IL12A: variants seen among roughly 807,000 people sequenced by gnomAD.
IL12A encodes the protein interleukin-12 subunit alpha.
In IL12A, 16 loss-of-function variants were observed where a neutral mutation model predicts 23.5. That is an observed-to-expected ratio of 0.68 (90% CI 0.46 to 1.03). The LOEUF (loss-of-function observed/expected upper bound fraction) is 1.03, where lower values mean the gene tolerates loss of function less well. Ranked by LOEUF, IL12A falls within the 50% of genes least tolerant of loss-of-function variation. IL12A has a pLI of 0.00. For missense variants in IL12A, 275 were observed against 307.0 expected (o/e 0.90, Z 0.78); for synonymous variants, 106 against 111.5 (o/e 0.95, Z 0.31).
At chr3:159,992,695 C>T (rs1044350471) in intron 2 of IL12A, among the ~76,000 whole-genome samples, 1 of 152,182 alleles carries the variant, frequency 6.6e-6, no homozygotes, top group South Asian at 2.1e-4. Context: ...AAACAATTTT[C>T]ACCAGAAGCA....
chr3:159,994,900 T>C (rs1171618029), intron 6 of IL12A, among the ~76,000 whole-genome samples: 2 of 152,138 alleles, frequency 1.3e-5, no homozygotes, highest in Non-Finnish European at 2.9e-5. Flanking sequence ...AGGGTGCAAA[T>C]GTAAGGTTTT....
chr3:159,994,579 C>CAT (rs1553809858), intron 6 of IL12A, among the ~76,000 whole-genome samples: 3 of 135,636 alleles, frequency 2.2e-5, no homozygotes, highest in Non-Finnish European at 5.0e-5. Flanking sequence ...TTATTCTTTT[C>CAT]GTGTGTGTGT....
In IL12A at chr3:159,988,957, G is replaced by A. The variant is rs954951735; in HGVS notation, c.-100G>A. The A allele has an allele frequency of 3.9e-6, 4 of 1,023,150 alleles. No individual in the cohort carries two copies. Among genetic ancestry groups the A allele is most frequent in the Non-Finnish European group, 6.0e-6 (4 of 663,522 alleles). The allele number at this position is 1,023,150 out of a possible 1,614,324, so 63.4% of individuals were successfully genotyped here. ...CCCGCGGGCCGGCCGCACCGCACGT[G>A]TCACCGAGAAGCTGATGTAGAGAGA... On this transcript the variant is annotated 5_prime_UTR_variant, in exon 1 of 7. Transcript: ENST00000305579.
At chr3:159,992,349 G>C (rs1720348879) in intron 2 of IL12A, among the ~76,000 whole-genome samples, 1 of 152,162 alleles carries the variant, frequency 6.6e-6, no homozygotes, top group Admixed American at 6.5e-5. Flanking sequence ...ATCCAGGAGG[G>C]TATACATGGT....
At position 159,990,213 on chromosome 3, in the gene IL12A, G is replaced by A. The variant is rs766937690; in HGVS notation, c.165G>A (p.Leu55=). The change falls in exon 2 of 7, where the codon TTG becomes TTA. Residue 55 remains leucine (L), a synonymous_variant. Transcript: ENST00000305579. ...TGGTCCTCCTGGACCACCTCAGTTT[G>A]GCCAGAAACCTCCCCGTGGCCACTC... The A allele has an allele frequency of 1.9e-6, 3 of 1,614,046 alleles. No homozygotes were observed. The highest frequency in any genetic ancestry group is 2.5e-6 in the Non-Finnish European group (3 of 1,180,016).
At chr3:159,994,579 CGT>C (rs60659167) in intron 6 of IL12A, among the ~76,000 whole-genome samples, 8,373 of 135,556 alleles carry the variant, frequency 0.062, 285 homozygotes, top group Non-Finnish European at 0.08. Context: ...TTATTCTTTT[CGT>C]GTGTGTGTGT....
chr3:159,989,790 C>CA (rs1460535168), intron 1 of IL12A, among the ~76,000 whole-genome samples: 1 of 151,924 alleles, frequency 6.6e-6, no homozygotes, highest in African/African-American at 2.4e-5. Context: ...CTTAAAAAAA[C>CA]AAAAAAAGTC....
In IL12A at chr3:159,994,150, A is replaced by G. The variant is rs1720414762; in HGVS notation, c.606+306A>G. ...GGGATCTGCACAAAGGAGGGAACCA[A>G]ACCTTAGGAGAGTTAAACCACTTGT... is the stretch of plus-strand genomic sequence containing the variant. On this transcript the variant is annotated intron_variant, in intron 6 of 6. Coordinates refer to ENST00000305579, the MANE Select transcript of IL12A (RefSeq NM_000882.4). 11 of 275,252 alleles carry G rather than the reference A, an allele frequency of 4.0e-5. No homozygotes were observed. In the South Asian group the frequency reaches 4.7e-4, roughly 12 times the overall value. 17.1% of individuals were successfully genotyped at this position (275,252 alleles called of 1,614,324 possible). A position where few individuals can be genotyped will look rare whatever the true frequency, so the allele number is the denominator to read the frequency against.
chr3:159,995,308 A>C, intron 6 of IL12A, 96 bp from the exon 7 acceptor site: 1 of 903,806 alleles, frequency 1.1e-6, no homozygotes, highest in Non-Finnish European at 1.6e-6. Flanking sequence ...ACTGAGTTGC[A>C]GGCTCTGAGA....
chr3:159,990,044 A>G (rs1212413353), intron 1 of IL12A, 123 bp from the exon 2 acceptor site: 2 of 915,928 alleles, frequency 2.2e-6, no homozygotes, highest in African/African-American at 3.3e-5. Context: ...AAGTGTTGGA[A>G]ATGGGTTGAG....
Position 159,995,555 on chromosome 3 carries a change from C to T in IL12A, c.758C>T (p.Ser253Phe). 1.9e-6 allele frequency: 3 copies of T among 1,578,818 alleles called. No homozygotes were observed. Among genetic ancestry groups the T allele is most frequent in the Non-Finnish European group, 2.6e-6 (3 of 1,166,154 alleles). Residue 253 changes from serine (S) to phenylalanine (F), a missense_variant, in exon 7 of 7, where the codon TCC becomes TTC. Ser to Phe is a radical substitution (Grantham distance 155). Coordinates refer to ENST00000305579, the MANE Select transcript of IL12A (RefSeq NM_000882.4). The stretch of plus-strand genomic sequence containing the variant: ...AGAGTGATGAGCTATCTGAATGCTT[C>T]CTAAAAAGCGAGGTCCCTCCAAACC...
At chr3:159,992,918 C>A in intron 2 of IL12A, 94 bp from the exon 3 acceptor site, 1 of 675,434 alleles carries the variant, frequency 1.5e-6, no homozygotes, top group Non-Finnish European at 2.6e-6. Flanking sequence ...GGGCAGCCAG[C>A]CGGAGCCTTC....
chr3:159,993,524 A>T, intron 4 of IL12A, 32 bp downstream of exon 4: 1 of 1,613,962 alleles, frequency 6.2e-7, no homozygotes, highest in African/African-American at 1.3e-5. Context: ...TTCAGCCTGT[A>T]TGATGAATTC....
Position 159,993,059 on chromosome 3 carries a change from T to C in IL12A, c.312T>C (p.Asp104=). 1 of 1,611,012 alleles carries C rather than the reference T, an allele frequency of 6.2e-7. No individual in the cohort carries two copies. Among genetic ancestry groups the C allele is most frequent in the Non-Finnish European group, 8.5e-7 (1 of 1,177,204 alleles). Residue 104 remains aspartate (D), a synonymous_variant, in exon 3 of 7, where the codon GAT becomes GAC. Transcript: ENST00000305579. ...ACCCTTGCACTTCTGAAGAGATTGA[T>C]CATGAAGATATCACAAAAGATAAAA... is the stretch of plus-strand genomic sequence containing the variant.
chr3:159,992,958 G>A, intron 2 of IL12A, 54 bp from the exon 3 acceptor site: 1 of 1,071,272 alleles, frequency 9.3e-7, no homozygotes, highest in Non-Finnish European at 1.4e-6. Flanking sequence ...GCCTTGTGGG[G>A]TGCCAGGTGC....
At chr3:159,992,565 G>C (rs1449322327) in intron 2 of IL12A, among the ~76,000 whole-genome samples, 2 of 152,146 alleles carry the variant, frequency 1.3e-5, no homozygotes, top group African/African-American at 4.8e-5. Flanking sequence ...TTAAATCTCA[G>C]CTTGTCTTAA....
Position 159,995,695 on chromosome 3 carries a change from G to A in IL12A, c.*136G>A. On this transcript the variant is annotated 3_prime_UTR_variant, in exon 7 of 7. Coordinates refer to ENST00000305579, the MANE Select transcript of IL12A (RefSeq NM_000882.4). Reference sequence around the variant, plus strand: ...ACATCCACATGATACCTCTGATCAAGTATTTTTGACATTTACTGTGGATAA... The same window carrying A: ...ACATCCACATGATACCTCTGATCAAATATTTTTGACATTTACTGTGGATAA... 1 of 542,304 alleles carries A rather than the reference G, an allele frequency of 1.8e-6. No individual in the cohort carries two copies. Among genetic ancestry groups the A allele is most frequent in the Non-Finnish European group, 3.1e-6 (1 of 321,362 alleles). The allele number at this position is 542,304 out of a possible 1,614,324, so 33.6% of individuals were successfully genotyped here. A position where few individuals can be genotyped will look rare whatever the true frequency, so the allele number is the denominator to read the frequency against.
rs1016598427 is a variant in IL12A at position 159,995,735 on chromosome 3, T to C, written c.*176T>C. 1.4e-5 allele frequency: 6 copies of C among 429,440 alleles called. No individual in the cohort carries two copies. The highest frequency in any genetic ancestry group is 2.4e-5 in the Non-Finnish European group (6 of 247,282). The allele number at this position is 429,440 out of a possible 1,614,324, so 26.6% of individuals were successfully genotyped here. ...ACTGTGGATAAATTGTTTTTAAGTTTTCATGAATGAATTGCTAAGAAGGGA... is the reference window on the plus strand; with the variant it reads ...ACTGTGGATAAATTGTTTTTAAGTTCTCATGAATGAATTGCTAAGAAGGGA... On this transcript the variant is annotated 3_prime_UTR_variant, in exon 7 of 7. Transcript: ENST00000305579.
Position 159,993,599 on chromosome 3 carries a change from C to A in IL12A, c.452C>A (p.Ser151Tyr). ...AGTTGCCTGGCCTCCAGAAAGACCT[C>A]TTTTATGATGGTAAGACACACAGCT... Residue 151 changes from serine to tyrosine, a missense_variant, in exon 5 of 7, where the codon TCT becomes TAT. Ser to Tyr is a moderately radical substitution (Grantham distance 144, BLOSUM62 -2). Coordinates refer to ENST00000305579, the MANE Select transcript of IL12A (RefSeq NM_000882.4). 6.2e-7 allele frequency: 1 copy of A among 1,614,132 alleles called. No individual in the cohort carries two copies. The highest frequency in any genetic ancestry group is 2.2e-5 in the East Asian group (1 of 44,870).
Sources: gnomAD v4.1 joint callset for allele counts (sites outside exome capture counted in the v4.1 genomes callset) on GRCh38, gnomAD v4.1.1 for gene constraint, MANE v1.5 for transcripts, NCBI Gene and HGNC (gene_info 2026-07-23, HGNC 2026-07-21) for gene names.